SAMD5: variants seen among roughly 807,000 people sequenced by gnomAD.
SAMD5 encodes the protein sterile alpha motif domain containing 5.
A neutral mutation model predicts 11.3 loss-of-function variants in SAMD5; 13 were observed. That is an observed-to-expected ratio of 1.15 (90% CI 0.75 to 1.83). The LOEUF (loss-of-function observed/expected upper bound fraction) is 1.83, where lower values mean the gene tolerates loss of function less well. SAMD5 is among the 40% of genes most tolerant of loss of function. The pLI is 0.00. For synonymous variants in SAMD5, 129 were observed against 111.3 expected (o/e 1.16, Z -1.00); for missense variants, 255 against 239.1 (o/e 1.07, Z -0.44).
chr6:147,767,837 G>A, the SAMD5 span, among the ~76,000 whole-genome samples: 11 of 152,136 alleles, frequency 7.2e-5, no homozygotes, highest in African/African-American at 2.7e-4. Context: ...TCTTAGACAA[G>A]GTGGCCCTTT....
At chr6:147,725,519 G>A (rs7746786) in intron 1 of SAMD5, among the ~76,000 whole-genome samples, 2,590 of 151,906 alleles carry the variant, frequency 0.017, 79 homozygotes, top group African/African-American at 0.059. Flanking sequence ...CTCCCAAGTA[G>A]CTGGGATTAC....
intron 1 of SAMD5, among the ~76,000 whole-genome samples, chr6:147,684,318 A>G (rs1475669229): frequency 6.6e-6 from 1 of 152,172 alleles, no homozygotes; most frequent in African/African-American, 2.4e-5. Flanking sequence ...TATATTAATG[A>G]TGTGAATAGA....
intron 1 of SAMD5, among the ~76,000 whole-genome samples, chr6:147,661,927 C>T (rs1002796127): frequency 2.0e-5 from 3 of 152,196 alleles, no homozygotes; most frequent in Admixed American, 1.3e-4. Context: ...CCACGCCCGG[C>T]GCGACTAAAA....
At chr6:147,788,599 G>A in the SAMD5 span, among the ~76,000 whole-genome samples, 5 of 152,130 alleles carry the variant, frequency 3.3e-5, no homozygotes, top group Non-Finnish European at 5.9e-5. Context: ...AAGATTTTCC[G>A]AGTCAATGTA....
intron 1 of SAMD5, among the ~76,000 whole-genome samples, chr6:147,585,530 G>A (rs1789361892): frequency 2.0e-5 from 3 of 152,108 alleles, no homozygotes; most frequent in Non-Finnish European, 4.4e-5. Context: ...CTCCTGTTTA[G>A]AAGGTGCATT....
rs375905049 is a variant in SAMD5 at position 147,530,397 on chromosome 6, C to T, written c.459+21010C>T. The stretch of plus-strand genomic sequence containing the variant: ...GCATGGTGTGTGCGCAGCACAAAGG[C>T]GGCAGGTGCGGATGGCTTTTTTCTC... On this transcript the variant is annotated intron_variant, in intron 1 of 1. Coordinates refer to ENST00000367474, the MANE Select transcript of SAMD5 (RefSeq NM_001030060.3). Among the ~76,000 whole-genome samples, 8 of 152,350 alleles carry T rather than the reference C, an allele frequency of 5.3e-5. No homozygotes were observed. The East Asian group carries it at 1.3e-3, about 26-fold the overall frequency.
At chr6:147,690,965 G>A (rs935358383) in intron 1 of SAMD5, among the ~76,000 whole-genome samples, 3 of 144,012 alleles carry the variant, frequency 2.1e-5, no homozygotes, top group South Asian at 2.2e-4. Flanking sequence ...TCCAGCTCTC[G>A]GGTTTTTTTT....
chr6:147,755,430 A>T, the SAMD5 span, among the ~76,000 whole-genome samples: 1 of 152,142 alleles, frequency 6.6e-6, no homozygotes, highest in Admixed American at 6.6e-5. Flanking sequence ...TGAAGTTGTC[A>T]TATATGGCAG....
the SAMD5 span, among the ~76,000 whole-genome samples, chr6:147,847,807 T>A: frequency 1.3e-5 from 2 of 152,070 alleles, no homozygotes; most frequent in Non-Finnish European, 2.9e-5. Context: ...TAGCTGAGAT[T>A]GCACCACTGC....
chr6:147,822,976 G>A, the SAMD5 span, among the ~76,000 whole-genome samples: 12 of 133,776 alleles, frequency 9.0e-5, no homozygotes, highest in African/African-American at 3.9e-4. Flanking sequence ...CACTGCACCC[G>A]GCTAATTTTT....
At chr6:147,902,553 A>G in the SAMD5 span, among the ~76,000 whole-genome samples, 1 of 152,314 alleles carries the variant, frequency 6.6e-6, no homozygotes, top group East Asian at 1.9e-4. Flanking sequence ...AAAACAAATC[A>G]TCTGCACACA....
rs139286074 is a variant in SAMD5 at position 147,708,291 on chromosome 6, G to A, written c.163-29026G>A. 2.5e-3 allele frequency among the ~76,000 whole-genome samples: 380 copies of A among 152,262 alleles called. 6 individuals carry two copies. The highest frequency in any genetic ancestry group is 8.2e-3 in the African/African-American group (339 of 41,546). On this transcript the variant is annotated intron_variant, in intron 1 of 1. Coordinates refer to the SAMD5 transcript ENST00000566741. ...AGATACAGGAAAAAGACGGCCATCC[G>A]CGAGCCAAGGAGTGAGGCCTGGAGC... is the stretch of plus-strand genomic sequence containing the variant.
intron 1 of SAMD5, among the ~76,000 whole-genome samples, chr6:147,617,999 A>G (rs556175913): frequency 7.6e-4 from 116 of 152,366 alleles, no homozygotes; most frequent in Non-Finnish European, 1.3e-3. Flanking sequence ...TTGAGTGCCT[A>G]ATAAGAATGA....
At chr6:147,709,295 C>A (rs910004287) in intron 1 of SAMD5, among the ~76,000 whole-genome samples, 1 of 152,156 alleles carries the variant, frequency 6.6e-6, no homozygotes, top group African/African-American at 2.4e-5. Flanking sequence ...TATTAGGATT[C>A]TCTAACTACT....
At chr6:147,525,910 A>G (rs532015258) in intron 1 of SAMD5, among the ~76,000 whole-genome samples, 1 of 152,332 alleles carries the variant, frequency 6.6e-6, no homozygotes, top group South Asian at 2.1e-4. Context: ...TGGTGGTGAC[A>G]TCAATCTCCA....
chr6:147,514,547 A>G (rs1435746740), intron 1 of SAMD5, among the ~76,000 whole-genome samples: 1 of 152,020 alleles, frequency 6.6e-6, no homozygotes, highest in Non-Finnish European at 1.5e-5. Context: ...TGTAGGTTAC[A>G]GGTTGTGCTG....
At chr6:147,788,480 A>C in the SAMD5 span, among the ~76,000 whole-genome samples, 5,052 of 152,326 alleles carry the variant, frequency 0.033, 103 homozygotes, top group Middle Eastern at 0.051. Context: ...ATGTTTTTAA[A>C]TGTGGCTATA....
intron 1 of SAMD5, among the ~76,000 whole-genome samples, chr6:147,688,581 C>A (rs1791051344): frequency 6.6e-6 from 1 of 152,158 alleles, no homozygotes; most frequent in Non-Finnish European, 1.5e-5. Context: ...CACCTGAATA[C>A]CAGTGGACCT....
At chr6:147,831,848 T>C in the SAMD5 span, among the ~76,000 whole-genome samples, 1 of 152,226 alleles carries the variant, frequency 6.6e-6, no homozygotes, top group Admixed American at 6.5e-5. Flanking sequence ...AGTGACATTT[T>C]GGCTGTCAGA....
Sources: allele counts gnomAD v4.1 joint callset (sites outside exome capture counted in the v4.1 genomes callset), GRCh38; gene constraint gnomAD v4.1.1; transcripts MANE v1.5; gene names NCBI Gene and HGNC (gene_info 2026-07-23, HGNC 2026-07-21).